PDIA5: variants seen among roughly 807,000 people sequenced by gnomAD.
PDIA5 encodes protein disulfide-isomerase A5.
A neutral mutation model predicts 77.6 loss-of-function variants in PDIA5; 58 were observed. The observed-to-expected ratio is 0.75, with a 90% CI of 0.61 to 0.93. The LOEUF is 0.93. PDIA5 is among the 40% of genes least tolerant of loss of function. The probability of loss-of-function intolerance (pLI) is 0.00; values close to 1 mark genes in which losing one functional copy is unlikely to be tolerated. For synonymous variants in PDIA5, 250 were observed against 252.1 expected, an observed-to-expected ratio of 0.99 and a Z score of 0.08; for missense variants, 630 against 647.7, an observed-to-expected ratio of 0.97 and a Z score of 0.30.
chr3:123,140,559 G>T (rs533873745), intron 11 of PDIA5, among the ~76,000 whole-genome samples: 6 of 152,346 alleles, frequency 3.9e-5, no homozygotes, highest in Non-Finnish European at 7.3e-5. Context: ...CCAGAACAAA[G>T]GTAGGATTGC....
rs71623603 is a variant in PDIA5 at position 123,101,906 on chromosome 3, CTTTTT to C, written c.258-488_258-484del. ...TCCCCTTCCTTTCCTTTCTTTCTTG[CTTTTT>C]TTTTTTTTTTTTTTTTGAGATGGAG... On this transcript the variant is annotated intron_variant, in intron 3 of 16. Transcript: ENST00000316218. Among the ~76,000 whole-genome samples, 6 of 71,396 alleles carry C rather than the reference CTTTTT, an allele frequency of 8.4e-5. No individual in the cohort carries two copies. In the Admixed American group the frequency reaches 1.0e-3, roughly 12 times the overall value. The allele number at this position is 71,396 out of a possible 152,430, so 46.8% of individuals were successfully genotyped here. A position where few individuals can be genotyped will look rare whatever the true frequency, so the allele number is the denominator to read the frequency against.
rs142311753 is a variant in PDIA5 at position 123,092,419 on chromosome 3, G to A, written c.234G>A (p.Gly78=). ...TGGCCCAGGCGGTGAAAGGACAAGG[G>A]ACCATCTGCTGGGTGGACTGTGGGT... is the stretch of plus-strand genomic sequence containing the variant. The part of the protein sequence containing the change: ...STVAQAVKGQ[G]TICWVDCGDA... The change falls in exon 3 of 17, where the codon GGG becomes GGA. Residue 78 remains glycine (G), a synonymous_variant. Transcript: ENST00000316218. The A allele has an allele frequency of 2.5e-6, 4 of 1,613,640 alleles. No homozygotes were observed. The Admixed American group carries it at 6.7e-5, about 27-fold the overall frequency.
At chr3:123,090,455 A>T (rs1381715273) in intron 2 of PDIA5, among the ~76,000 whole-genome samples, 1 of 152,168 alleles carries the variant, frequency 6.6e-6, no homozygotes, top group Admixed American at 6.5e-5. Context: ...TCATCATAAT[A>T]CAGTCTCATT....
intron 8 of PDIA5, 38 bp from the exon 9 acceptor site, chr3:123,124,028 G>T: frequency 7.4e-7 from 1 of 1,351,426 alleles, no homozygotes; most frequent in Non-Finnish European, 1.1e-6. Flanking sequence ...TGTCTGTGGG[G>T]CACAGGCTCC....
chr3:123,154,035 G>A (rs145372572), intron 14 of PDIA5, among the ~76,000 whole-genome samples: 1 of 152,128 alleles, frequency 6.6e-6, no homozygotes, highest in African/African-American at 2.4e-5. Context: ...TGAGAGAGGA[G>A]GGGGGTTTGG....
chr3:123,133,449 G>A (rs964169133), intron 11 of PDIA5, among the ~76,000 whole-genome samples: 3 of 152,204 alleles, frequency 2.0e-5, no homozygotes, highest in Admixed American at 1.3e-4. Flanking sequence ...CGCTGAATGC[G>A]CCGCTTGGTT....
intron 1 of PDIA5, among the ~76,000 whole-genome samples, chr3:123,079,305 T>C (rs949943186): frequency 2.0e-5 from 3 of 150,730 alleles, no homozygotes; most frequent in Non-Finnish European, 3.0e-5. Context: ...CTCAGCTTCC[T>C]GAGTAGCTGG....
intron 11 of PDIA5, 160 bp from the exon 12 acceptor site, chr3:123,145,362 G>A (rs984942412): frequency 2.0e-5 from 12 of 594,676 alleles, no homozygotes; most frequent in Non-Finnish European, 3.3e-5. Context: ...ACCCACTTCT[G>A]GTGGATTATG....
At chr3:123,072,614 TA>T (rs1442720887) in intron 1 of PDIA5, among the ~76,000 whole-genome samples, 7 of 152,078 alleles carry the variant, frequency 4.6e-5, no homozygotes, top group African/African-American at 1.2e-4. Flanking sequence ...AGATCCCAGG[TA>T]GGGGGGGTGG....
intron 12 of PDIA5, 36 bp downstream of exon 12, chr3:123,145,628 TG>T: frequency 3.3e-6 from 5 of 1,533,664 alleles, no homozygotes; most frequent in Non-Finnish European, 2.7e-6. Context: ...CCGTTCTCTT[TG>T]AAAGAATCAC....
In PDIA5 at chr3:123,124,400, G is replaced by T. The variant is rs373756686; in HGVS notation, c.773+57G>T. On this transcript the variant is annotated intron_variant, in intron 10 of 16. Transcript: ENST00000316218. ...GGACCCAGAGGGCGGGGCATCTGCC[G>T]GGCCTGAGGGTCGCAGGGCTCTGGC... 4.8e-6 allele frequency: 6 copies of T among 1,254,960 alleles called. No homozygotes were observed. The South Asian group carries it at 5.9e-5, about 12-fold the overall frequency. 77.7% of individuals were successfully genotyped at this position (1,254,960 alleles called of 1,614,324 possible).
chr3:123,067,454 G>A (rs1933600034), intron 1 of PDIA5: 2 of 394,194 alleles, frequency 5.1e-6, no homozygotes, highest in Non-Finnish European at 8.9e-6. Flanking sequence ...GGAGATCCCT[G>A]GCAGGGTGCT....
chr3:123,102,478 G>A lies in PDIA5; in HGVS notation c.325G>A (p.Glu109Lys), dbSNP rs753951031. ...VDLSPKDKKV[E>K]LFHYQDGAFH... The stretch of plus-strand genomic sequence containing the variant: ...CCTGAGCCCGAAGGACAAAAAGGTT[G>A]AATTATTCCATTACCAGTAAGTACA... The change falls in exon 4 of 17, where the codon GAA (glutamate) becomes AAA (lysine). Residue 109 changes from glutamate to lysine, a missense_variant. By Grantham distance (56) the Glu-to-Lys change is moderately conservative (BLOSUM62 1). Transcript: ENST00000316218. 2 of 1,613,450 alleles carry A rather than the reference G, an allele frequency of 1.2e-6. No homozygotes were observed. The highest frequency in any genetic ancestry group is 1.1e-5 in the South Asian group (1 of 91,064).
intron 11 of PDIA5, among the ~76,000 whole-genome samples, chr3:123,134,562 T>C (rs1001612798): frequency 6.6e-6 from 1 of 151,974 alleles, no homozygotes; most frequent in South Asian, 2.1e-4. Flanking sequence ...TTTACCCTCT[T>C]CCCAGCACTC....
At chr3:123,113,289 A>G (rs1186026926) in intron 7 of PDIA5, among the ~76,000 whole-genome samples, 1 of 152,164 alleles carries the variant, frequency 6.6e-6, no homozygotes, top group Non-Finnish European at 1.5e-5. Flanking sequence ...GTGTGATGCC[A>G]TTAGTCATTT....
chr3:123,116,745 G>A (rs1224548869), intron 8 of PDIA5, among the ~76,000 whole-genome samples: 4 of 152,212 alleles, frequency 2.6e-5, no homozygotes, highest in Non-Finnish European at 5.9e-5. Context: ...GCCTGTCCCG[G>A]CTTCCCAGGC....
At chr3:123,110,845 C>T in intron 6 of PDIA5, 99 bp from the exon 7 acceptor site, 1 of 1,004,540 alleles carries the variant, frequency 1.0e-6, no homozygotes, top group Non-Finnish European at 1.6e-6. Flanking sequence ...CTCCCCATCC[C>T]TACCCTTCAC....
intron 6 of PDIA5, among the ~76,000 whole-genome samples, chr3:123,109,892 C>T (rs1576446922): frequency 6.6e-6 from 1 of 152,346 alleles, no homozygotes; most frequent in African/African-American, 2.4e-5. Flanking sequence ...AAACACTCCT[C>T]TTTATCGGTT....
intron 13 of PDIA5, among the ~76,000 whole-genome samples, chr3:123,148,434 T>C (rs944485585): frequency 8.6e-5 from 13 of 152,022 alleles, no homozygotes; most frequent in Admixed American, 6.6e-5. Flanking sequence ...CTGGGCATGG[T>C]GGTGTGCGCC....
Sources: allele counts gnomAD v4.1 joint callset (sites outside exome capture counted in the v4.1 genomes callset), GRCh38; gene constraint gnomAD v4.1.1; transcripts MANE v1.5; gene names NCBI Gene and HGNC (gene_info 2026-07-23, HGNC 2026-07-21).